Variants in PTPRS observed in about 807,000 individuals in gnomAD.
The protein encoded by PTPRS is protein tyrosine phosphatase receptor type S, also known as receptor-type tyrosine-protein phosphatase S.
PTPRS carries 63 observed loss-of-function variants against 215.3 expected under a neutral mutation model. The ratio of observed to expected loss-of-function variants is 0.29; its 90% confidence interval spans 0.24 to 0.36. The LOEUF (loss-of-function observed/expected upper bound fraction) is 0.36. Among genes scored for constraint, PTPRS ranks in the 10% least tolerant of loss-of-function variants. PTPRS has a pLI of 1.00. For missense variants in PTPRS, 2,258 were observed against 2,825.8 expected (o/e 0.80, Z 4.56); for synonymous variants, 1,404 against 1,191.4 (o/e 1.18, Z -3.68).
intron 22 of PTPRS, 114 bp from the exon 23 acceptor site, chr19:5,219,581 C>T: frequency 1.5e-6 from 2 of 1,307,672 alleles, no homozygotes; most frequent in Non-Finnish European, 2.0e-6. Context: ...CTCCTATATT[C>T]CTAGAACCTT....
intron 26 of PTPRS, 88 bp downstream of exon 26, chr19:5,216,632 C>A: frequency 8.7e-7 from 1 of 1,149,504 alleles, no homozygotes; most frequent in Non-Finnish European, 1.3e-6. Flanking sequence ...GGCGTGTGGA[C>A]AGAGACAGGA....
intron 2 of PTPRS, among the ~76,000 whole-genome samples, chr19:5,285,351 T>C (rs922818472): frequency 2.6e-5 from 4 of 152,188 alleles, no homozygotes; most frequent in African/African-American, 7.2e-5. Context: ...AGTCTTGGCA[T>C]TGGGCCCCAG....
At chr19:5,229,261 G>T in intron 16 of PTPRS, 55 bp downstream of exon 16, 1 of 1,360,102 alleles carries the variant, frequency 7.4e-7, no homozygotes, top group Non-Finnish European at 9.5e-7. Flanking sequence ...TCACAGCACA[G>T]CACGGCCCGC....
At chr19:5,227,664 C>A (rs1376889360) in intron 16 of PTPRS, among the ~76,000 whole-genome samples, 1 of 152,080 alleles carries the variant, frequency 6.6e-6, no homozygotes, top group East Asian at 1.9e-4. Context: ...CCCGTCTTGG[C>A]CTCCCAAAGT....
intron 4 of PTPRS, among the ~76,000 whole-genome samples, chr19:5,267,235 G>A (rs1049815815): frequency 2.6e-5 from 4 of 152,082 alleles, no homozygotes; most frequent in African/African-American, 9.7e-5. Flanking sequence ...CGGGGACAAG[G>A]AGGAGAAACT....
intron 1 of PTPRS, among the ~76,000 whole-genome samples, chr19:5,303,999 C>T (rs935535607): frequency 3.0e-5 from 4 of 134,038 alleles, no homozygotes; most frequent in African/African-American, 8.8e-5. Flanking sequence ...AGGGCTATGG[C>T]CCTCCATGCC....
In PTPRS at chr19:5,222,703, A is replaced by T; in HGVS notation, c.3089T>A (p.Phe1030Tyr). The T allele has an allele frequency of 6.3e-7, 1 of 1,589,046 alleles. No individual in the cohort carries two copies. The part of the protein sequence containing the change: ...PFSPPVRYRT[F>Y]LRDQVSPKNF... ...CGCGCGCCTACCTTGGTCCCGCAGG[A>T]ACGTCCGGTAGCGGACGGGGGGGCT... is the stretch of plus-strand genomic sequence containing the variant. Residue 1030 changes from phenylalanine (F) to tyrosine (Y), a missense_variant, in exon 18 of 38, where the codon TTC (phenylalanine) becomes TAC (tyrosine). Coordinates refer to ENST00000262963, the MANE Select transcript of PTPRS (RefSeq NM_002850.4).
intron 24 of PTPRS, 109 bp downstream of exon 24, chr19:5,218,678 C>A: frequency 6.6e-7 from 1 of 1,512,916 alleles, no homozygotes; most frequent in Non-Finnish European, 9.2e-7. Context: ...GCTACGTGTA[C>A]AAGCTGTGGG....
chr19:5,208,336 C>A lies in PTPRS; in HGVS notation c.5543G>T (p.Gly1848Val). 6.2e-7 allele frequency: 1 copy of A among 1,613,908 alleles called. No individual in the cohort carries two copies. The stretch of plus-strand genomic sequence containing the variant: ...GAAGCCCTCCCCCGACTTTGGCACA[C>A]CCTGTTCCGGCCAGTCTGTGAACTG... ...QFQFTDWPEQGVPKSGEGFID... is the reference protein window; with the variant it reads ...QFQFTDWPEQVVPKSGEGFID... Residue 1848 changes from glycine (G) to valine (V), a missense_variant, in exon 36 of 38, where the codon GGT becomes GTT. Around this residue, in one of 6 missense-constraint regions of PTPRS, gnomAD observed 927 missense variants for 1,125.9 expected, o/e 0.82. Transcript: ENST00000262963.
At chr19:5,313,041 A>G (rs970824881) in intron 1 of PTPRS, among the ~76,000 whole-genome samples, 3 of 152,214 alleles carry the variant, frequency 2.0e-5, no homozygotes, top group Admixed American at 2.0e-4. Flanking sequence ...CAGCCTCCCA[A>G]GTAGCTGGAA....
rs2048465256 is a variant in PTPRS, at chr19:5,287,744, C to T, written c.-94-1510G>A. On this transcript the variant is annotated intron_variant, in intron 1 of 37. Transcript: ENST00000262963. This position sits in a 1 kb window ranked among gnomAD's most constrained non-coding sequence, Gnocchi z 4.8. ...GTGGCCGGGTCACAGCCTAGGGTGA[C>T]GAACGGGATTCGGGGGGCCTCAGTG... 1.3e-5 allele frequency among the ~76,000 whole-genome samples: 2 copies of T among 152,104 alleles called. No homozygotes were observed. The highest frequency in any genetic ancestry group is 6.5e-5 in the Admixed American group (1 of 15,270).
chr19:5,239,049 G>A lies in PTPRS; in HGVS notation c.1719C>T (p.Phe573=), dbSNP rs748009136. 1.3e-5 allele frequency: 21 copies of A among 1,612,978 alleles called. No individual in the cohort carries two copies. The highest frequency in any genetic ancestry group is 5.0e-5 in the Admixed American group (3 of 59,938). Residue 573 remains phenylalanine, a synonymous_variant, in exon 13 of 38, where the codon TTC becomes TTT. Transcript: ENST00000262963. ...CCACCACGTAGGAAGTCGTCGGGTC[G>A]AAGGTCCTTCCCACCTGGGGGCAGG... The part of the protein sequence containing the change: ...GDHGREVGRT[F]DPTTSYVVED...
Position 5,210,823 on chromosome 19 carries a change from A to G in PTPRS, c.5235-18T>C. 2 of 1,611,846 alleles carry G rather than the reference A, an allele frequency of 1.2e-6. No individual in the cohort carries two copies. Among genetic ancestry groups the G allele is most frequent in the South Asian group, 1.1e-5 (1 of 90,976 alleles). On this transcript the variant is annotated intron_variant, in intron 33 of 37. Transcript: ENST00000262963. This position sits in a 1 kb window ranked among gnomAD's most constrained non-coding sequence, Gnocchi z 4.5. The stretch of plus-strand genomic sequence containing the variant: ...TCTGCTGCCTGCAGGCGTTGGGGGT[A>G]TGAGCCCAGGGCCGGCAGGGAGACC...
At position 5,236,848 on chromosome 19, in the gene PTPRS, G is replaced by GAAAAAAAAAAAAAA. The variant is rs201543336; in HGVS notation, c.1849+2070_1849+2071insTTTTTTTTTTTTTT. 1.6e-5 allele frequency among the ~76,000 whole-genome samples: 2 copies of GAAAAAAAAAAAAAA among 126,172 alleles called. 1 individual carries two copies. The allele number at this position is 126,172 out of a possible 152,430, so 82.8% of individuals were successfully genotyped here. On this transcript the variant is annotated intron_variant, in intron 13 of 37. Coordinates refer to ENST00000262963, the MANE Select transcript of PTPRS (RefSeq NM_002850.4). ...GCGGGGAATCAGGCAGGGAGCAGGG[G>GAAAAAAAAAAAAAA]GAAAAAAAAAAAAAAAACAACAATC...
chr19:5,274,141 T>C, intron 3 of PTPRS, 58 bp downstream of exon 3: 1 of 1,570,142 alleles, frequency 6.4e-7, no homozygotes, highest in South Asian at 1.1e-5. Flanking sequence ...GCTGAGGTGC[T>C]GTGGCCCTGC....
chr19:5,220,677 TCTCCCCACTGGGGACTCTCAGCTTTGC>T (rs553765460), intron 20 of PTPRS, among the ~76,000 whole-genome samples: 33 of 152,252 alleles, frequency 2.2e-4, no homozygotes. Context: ...AGAGTGCTCC[TCTCCCCACTGGGGACTCTCAGCTTTGC>T]CTCCCCACTA....
chr19:5,217,912 G>A (rs1171962297), intron 25 of PTPRS, among the ~76,000 whole-genome samples: 1 of 152,134 alleles, frequency 6.6e-6, no homozygotes, highest in African/African-American at 2.4e-5. Flanking sequence ...TTAATCTACA[G>A]GGAACTATAA....
At chr19:5,309,728 AC>A (rs1473426857) in intron 1 of PTPRS, among the ~76,000 whole-genome samples, 3 of 152,068 alleles carry the variant, frequency 2.0e-5, no homozygotes, top group African/African-American at 7.2e-5. Flanking sequence ...CCTGCAGCCA[AC>A]CACTTGGAGA....
chr19:5,299,870 C>T (rs1377080171), intron 1 of PTPRS, among the ~76,000 whole-genome samples: 1 of 150,916 alleles, frequency 6.6e-6, no homozygotes, highest in African/African-American at 2.4e-5. Flanking sequence ...AACTCTGCTT[C>T]GAAATAAAAT....
Sources: allele counts gnomAD v4.1 joint callset (sites outside exome capture counted in the v4.1 genomes callset), GRCh38; gene constraint gnomAD v4.1.1; regional missense constraint gnomAD v4.1.1; non-coding constraint Gnocchi (gnomAD v3.1); transcripts MANE v1.5; gene names NCBI Gene and HGNC (gene_info 2026-07-23, HGNC 2026-07-21).